The following FCRL6 variants were observed in gnomAD, a reference collection of about 807,000 sequenced individuals.
FCRL6 encodes the protein Fc receptor-like protein 6.
FCRL6 carries 50 observed loss-of-function variants against 49.1 expected under a neutral mutation model. The ratio of observed to expected loss-of-function variants is 1.02; its 90% CI spans 0.81 to 1.29. The LOEUF is 1.29. Ranked by LOEUF, FCRL6 falls within the 50% of genes most tolerant of loss-of-function variation. The probability of loss-of-function intolerance (pLI) is 0.00; values close to 1 mark genes in which losing one functional copy is unlikely to be tolerated. For synonymous variants in FCRL6, 213 were observed against 199.6 expected (o/e 1.07, Z -0.57); for missense variants, 571 against 518.5 (o/e 1.10, Z -0.98).
At position 159,808,168 on chromosome 1, in the gene FCRL6, T is replaced by TGTCTCGCAGTCTGGCTGTACCTCC; in HGVS notation, c.53-9_67dup. The TGTCTCGCAGTCTGGCTGTACCTCC allele has an allele frequency of 6.2e-7, 1 of 1,602,558 alleles. No individual in the cohort carries two copies. On this transcript the variant is annotated splice_polypyrimidine_tract_variant and intron_variant, in intron 2 of 9. Coordinates refer to ENST00000368106, the MANE Select transcript of FCRL6 (RefSeq NM_001004310.3). ...TAGCTCCAGGGCTGCCCTGTTCCTC[T>TGTCTCGCAGTCTGGCTGTACCTCC]GTCTCGCAGTCTGGCTGTACCTCCA...
chr1:159,808,561 C>A, intron 3 of FCRL6, 117 bp downstream of exon 3: 2 of 1,319,434 alleles, frequency 1.5e-6, no homozygotes, highest in Non-Finnish European at 2.1e-6. Flanking sequence ...CATGCTGGGC[C>A]AATGTGTGGG....
chr1:159,815,955 T>C lies in FCRL6; in HGVS notation c.*294T>C. On this transcript the variant is annotated 3_prime_UTR_variant, in exon 10 of 10. Coordinates refer to ENST00000368106, the MANE Select transcript of FCRL6 (RefSeq NM_001004310.3). ...CTTCTTTCCATACAAGCATGTTAGT[T>C]CGCCCCAATATACATATATATATGA... is the stretch of plus-strand genomic sequence containing the variant. 2.8e-6 allele frequency: 1 copy of C among 360,406 alleles called. No individual in the cohort carries two copies. The highest frequency in any genetic ancestry group is 2.1e-5 in the African/African-American group (1 of 48,432). 22.3% of individuals were successfully genotyped at this position (360,406 alleles called of 1,614,324 possible).
intron 2 of FCRL6, among the ~76,000 whole-genome samples, chr1:159,807,938 G>A (rs1385511683): frequency 6.6e-6 from 1 of 151,246 alleles, no homozygotes; most frequent in Admixed American, 6.6e-5. Flanking sequence ...GGAGGGGAAG[G>A]GAAAGGAATA....
intron 1 of FCRL6, among the ~76,000 whole-genome samples, chr1:159,803,310 A>G (rs921629838): frequency 2.2e-4 from 33 of 152,218 alleles, no homozygotes; most frequent in Admixed American, 2.0e-3. Flanking sequence ...TTCACTTTAC[A>G]GTTTCCAAGT....
At chr1:159,801,839 G>A (rs1186198757), upstream of FCRL6, among the ~76,000 whole-genome samples, 3 of 152,132 alleles carry the variant, frequency 2.0e-5, no homozygotes, top group African/African-American at 4.8e-5. Flanking sequence ...CTCCATCTGT[G>A]TTCTACTCCA....
At chr1:159,810,879 G>C (rs745811177) in intron 6 of FCRL6, among the ~76,000 whole-genome samples, 13 of 152,202 alleles carry the variant, frequency 8.5e-5, no homozygotes, top group Non-Finnish European at 1.6e-4. Flanking sequence ...AAGGGTTTAA[G>C]TTAATGAGAT....
chr1:159,812,243 C>T (rs897938569), intron 6 of FCRL6, among the ~76,000 whole-genome samples: 2 of 152,210 alleles, frequency 1.3e-5, no homozygotes, highest in Non-Finnish European at 2.9e-5. Flanking sequence ...ACTTTCAGGA[C>T]CAATTCCTTA....
At position 159,815,825 on chromosome 1, in the gene FCRL6, C is replaced by T. The variant is rs1663373756; in HGVS notation, c.*164C>T. ...GTCAGGAGCACCTGAACCCTGGGTT[C>T]TTTTCTTAGCAGAAGACCAACCAAT... On this transcript the variant is annotated 3_prime_UTR_variant, in exon 10 of 10. Coordinates refer to ENST00000368106, the MANE Select transcript of FCRL6 (RefSeq NM_001004310.3). The T allele has an allele frequency of 2.6e-6, 2 of 764,076 alleles. No homozygotes were observed. The highest frequency in any genetic ancestry group is 4.1e-6 in the Non-Finnish European group (2 of 487,662). The allele number at this position is 764,076 out of a possible 1,614,324, so 47.3% of individuals were successfully genotyped here.
intron 1 of FCRL6, among the ~76,000 whole-genome samples, chr1:159,803,052 A>C (rs566024844): frequency 1.3e-5 from 2 of 152,180 alleles, no homozygotes; most frequent in Non-Finnish European, 2.9e-5. Flanking sequence ...TTCCGCCTAC[A>C]TCTTCTCTCT....
chr1:159,806,349 G>T (rs1379223980), intron 1 of FCRL6, among the ~76,000 whole-genome samples: 1 of 152,086 alleles, frequency 6.6e-6, no homozygotes, highest in Non-Finnish European at 1.5e-5. Context: ...TGGCCGGGTG[G>T]TTGGGTGGTT....
chr1:159,810,061 T>C, intron 5 of FCRL6, 33 bp from the exon 6 acceptor site: 1 of 1,598,746 alleles, frequency 6.3e-7, no homozygotes, highest in Non-Finnish European at 8.5e-7. Context: ...TTATCTTCAG[T>C]GCTCATGGCC....
At chr1:159,812,455 C>T (rs1301736802) in intron 6 of FCRL6, among the ~76,000 whole-genome samples, 1 of 152,208 alleles carries the variant, frequency 6.6e-6, no homozygotes, top group African/African-American at 2.4e-5. Context: ...AGGATATGGT[C>T]ATGCAAGGGG....
chr1:159,806,354 GTGGTTGGGTGGTTGGATGGTTGGA>G lies in FCRL6; in HGVS notation c.32-222_32-199del, dbSNP rs1249892709. 8.2e-4 allele frequency among the ~76,000 whole-genome samples: 125 copies of G among 151,828 alleles called. No homozygotes were observed. The East Asian group carries it at 0.022, about 26-fold the overall frequency. On this transcript the variant is annotated intron_variant, in intron 1 of 9. Transcript: ENST00000368106. The stretch of plus-strand genomic sequence containing the variant: ...AGTAGTCAAGTGGCCGGGTGGTTGG[GTGGTTGGGTGGTTGGATGGTTGGA>G]TGGTTGGGTGGTTGGATGGCTGATG...
upstream of FCRL6, chr1:159,802,311 C>T: frequency 9.1e-7 from 1 of 1,103,554 alleles, no homozygotes; most frequent in Non-Finnish European, 1.3e-6. Flanking sequence ...GCTATAGCAC[C>T]ACCCAGCTCA....
At chr1:159,809,331 G>A (rs182354678) in intron 4 of FCRL6, 71 bp from the exon 5 acceptor site, 5 of 1,528,112 alleles carry the variant, frequency 3.3e-6, no homozygotes, top group East Asian at 4.5e-5. Flanking sequence ...TTGGGGGAAG[G>A]GTCCCCAGGA....
At chr1:159,808,471 G>A in intron 3 of FCRL6, 27 bp downstream of exon 3, 1 of 1,613,876 alleles carries the variant, frequency 6.2e-7, no homozygotes, top group Non-Finnish European at 8.5e-7. Flanking sequence ...GGAGTTTGTG[G>A]GGCAGGAGGT....
At chr1:159,814,894 A>T (rs1450500916) in intron 8 of FCRL6, among the ~76,000 whole-genome samples, 1 of 152,164 alleles carries the variant, frequency 6.6e-6, no homozygotes, top group Non-Finnish European at 1.5e-5. Context: ...CTATGTACTT[A>T]TTCACTGTTG....
chr1:159,811,512 A>G (rs1663085769), intron 6 of FCRL6, among the ~76,000 whole-genome samples: 1 of 152,206 alleles, frequency 6.6e-6, no homozygotes, highest in Admixed American at 6.5e-5. Flanking sequence ...CATATGTTCA[A>G]AGCATTCCTT....
rs1662712597 is a variant in FCRL6, at chr1:159,806,711, A to G, written c.52+95A>G. Reference sequence around the variant, plus strand: ...GACAGTGCCATGGGGTCCCCCAGAAACATCTGCAGAGCAGCACCAGACTAG... The same window carrying G: ...GACAGTGCCATGGGGTCCCCCAGAAGCATCTGCAGAGCAGCACCAGACTAG... On this transcript the variant is annotated intron_variant, in intron 2 of 9. Transcript: ENST00000368106. The G allele has an allele frequency of 1.0e-5, 13 of 1,245,354 alleles. 1 individual carries two copies. In the South Asian group the frequency reaches 1.6e-4, roughly 15 times the overall value. 77.1% of individuals were successfully genotyped at this position (1,245,354 alleles called of 1,614,324 possible).
Sources: allele counts gnomAD v4.1 joint callset (sites outside exome capture counted in the v4.1 genomes callset), GRCh38; gene constraint gnomAD v4.1.1; transcripts MANE v1.5; gene names NCBI Gene and HGNC (gene_info 2026-07-23, HGNC 2026-07-21).